SPMIP2: variants seen among roughly 807,000 people sequenced by gnomAD.
SPMIP2 encodes the protein sperm microtubule inner protein 2, also known as protein SPMIP2.
At chr4:159,056,596 T>C in the SPMIP2 span, among the ~76,000 whole-genome samples, 1 of 152,190 alleles carries the variant, frequency 6.6e-6, no homozygotes, top group South Asian at 2.1e-4. Context: ...GACTCTTGCA[T>C]GCAGCAAACT....
chr4:158,955,735 T>C, the SPMIP2 span, among the ~76,000 whole-genome samples: 15 of 152,292 alleles, frequency 9.8e-5, no homozygotes, highest in African/African-American at 3.6e-4. Context: ...ATTAGTTTAA[T>C]AGTTTTACAC....
chr4:158,899,781 T>C, the SPMIP2 span, among the ~76,000 whole-genome samples: 1 of 152,194 alleles, frequency 6.6e-6, no homozygotes, highest in Non-Finnish European at 1.5e-5. Flanking sequence ...ATTTTGTTGA[T>C]CTTTTCAAAA....
At chr4:159,048,729 C>A in the SPMIP2 span, among the ~76,000 whole-genome samples, 2 of 145,104 alleles carry the variant, frequency 1.4e-5, no homozygotes, top group South Asian at 4.3e-4. Context: ...TCTCCCCTTC[C>A]ACTTTTTTTT....
At chr4:159,002,970 A>G in the SPMIP2 span, among the ~76,000 whole-genome samples, 1 of 152,028 alleles carries the variant, frequency 6.6e-6, no homozygotes, top group African/African-American at 2.4e-5. Flanking sequence ...TGCTTCTTCA[A>G]TTTCCACTGT....
chr4:158,984,452 C>A, the SPMIP2 span, among the ~76,000 whole-genome samples: 1 of 150,972 alleles, frequency 6.6e-6, no homozygotes, highest in Non-Finnish European at 1.5e-5. Flanking sequence ...ACAGTGCAAT[C>A]AAACTAGAAC....
chr4:159,010,949 T>C, the SPMIP2 span, among the ~76,000 whole-genome samples: 1 of 152,288 alleles, frequency 6.6e-6, no homozygotes, highest in East Asian at 1.9e-4. Context: ...GTCCAAATTG[T>C]CATCGAATTT....
chr4:159,013,979 G>A, the SPMIP2 span, among the ~76,000 whole-genome samples: 2 of 152,190 alleles, frequency 1.3e-5, no homozygotes, highest in African/African-American at 4.8e-5. Flanking sequence ...AATAGGTACA[G>A]AGGTTCTGTT....
the SPMIP2 span, among the ~76,000 whole-genome samples, chr4:159,021,956 C>T: frequency 2.6e-5 from 4 of 152,266 alleles, no homozygotes; most frequent in Middle Eastern, 3.4e-3. Context: ...ATGAAATCTA[C>T]GATGTCAGTT....
the SPMIP2 span, among the ~76,000 whole-genome samples, chr4:159,072,759 T>G: frequency 6.6e-6 from 1 of 152,090 alleles, no homozygotes; most frequent in South Asian, 2.1e-4. Context: ...TGAATTCTTT[T>G]TTCAGTGTCC....
At chr4:159,018,816 C>T in the SPMIP2 span, among the ~76,000 whole-genome samples, 1 of 152,144 alleles carries the variant, frequency 6.6e-6, no homozygotes, top group East Asian at 1.9e-4. Context: ...TTAGGCTGGG[C>T]ACAGTGGCTC....
chr4:158,959,533 C>T, the SPMIP2 span, among the ~76,000 whole-genome samples: 1 of 151,932 alleles, frequency 6.6e-6, no homozygotes, highest in African/African-American at 2.4e-5. Context: ...GTATAGCCAC[C>T]TCAGGGCTAA....
chr4:158,899,873 T>G, the SPMIP2 span, among the ~76,000 whole-genome samples: 1 of 152,222 alleles, frequency 6.6e-6, no homozygotes, highest in Non-Finnish European at 1.5e-5. Context: ...CTTAGTTATT[T>G]CTTGTCTTCT....
At chr4:159,062,730 C>CTCTCTCTCTCTCTCT in the SPMIP2 span, among the ~76,000 whole-genome samples, 1 of 37,096 alleles carries the variant, frequency 2.7e-5, no homozygotes, top group Non-Finnish European at 6.7e-5. Flanking sequence ...TCTCTGTCAC[C>CTCTCTCTCTCTCTCT]CAGGCTGGAG....
the SPMIP2 span, among the ~76,000 whole-genome samples, chr4:159,003,491 C>A: frequency 6.6e-6 from 1 of 152,126 alleles, no homozygotes; most frequent in African/African-American, 2.4e-5. Flanking sequence ...TACTATGTAC[C>A]TTCTAACCAC....
chr4:158,946,081 T>C, the SPMIP2 span, among the ~76,000 whole-genome samples: 1 of 152,218 alleles, frequency 6.6e-6, no homozygotes, highest in Middle Eastern at 3.2e-3. Flanking sequence ...ATAGTGCCTC[T>C]TTCTCACACA....
chr4:158,936,265 G>C, the SPMIP2 span, among the ~76,000 whole-genome samples: 1 of 152,156 alleles, frequency 6.6e-6, no homozygotes, highest in African/African-American at 2.4e-5. Flanking sequence ...GAGTTCCAGG[G>C]AGTCAGTCTA....
At chr4:159,068,612 T>C in the SPMIP2 span, among the ~76,000 whole-genome samples, 1 of 151,750 alleles carries the variant, frequency 6.6e-6, no homozygotes, top group Non-Finnish European at 1.5e-5. Flanking sequence ...CATACATATG[T>C]AACAAACCTG....
chr4:158,943,109 C>A, the SPMIP2 span, among the ~76,000 whole-genome samples: 1 of 152,202 alleles, frequency 6.6e-6, no homozygotes, highest in African/African-American at 2.4e-5. Context: ...AAAACATCAA[C>A]TTAATGCTTA....
At chr4:158,933,176 G>A in the SPMIP2 span, among the ~76,000 whole-genome samples, 1 of 152,106 alleles carries the variant, frequency 6.6e-6, no homozygotes, top group Non-Finnish European at 1.5e-5. Context: ...GCTAATTTTT[G>A]TATTTTTAGT....
Sources: allele counts gnomAD v4.1 joint callset (sites outside exome capture counted in the v4.1 genomes callset), GRCh38; gene constraint gnomAD v4.1.1; transcripts MANE v1.5; gene names NCBI Gene and HGNC (gene_info 2026-07-23, HGNC 2026-07-21).